Variants in PCDHGB1 observed in about 807,000 individuals in gnomAD.
PCDHGB1 encodes protocadherin gamma subfamily B, 1.
PCDHGB1 carries 34 observed loss-of-function variants against 56.6 expected under a neutral mutation model. The observed-to-expected ratio is 0.60, with a 90% confidence interval of 0.46 to 0.80. PCDHGB1 has a LOEUF of 0.80. PCDHGB1 is among the 30% of genes least tolerant of loss of function. The pLI is 0.00. For missense variants in PCDHGB1, 1,278 were observed against 1,204.6 expected, an observed-to-expected ratio of 1.06 and a Z score of -0.90; for synonymous variants, 561 against 505.9, an observed-to-expected ratio of 1.11 and a Z score of -1.46.
intron 1 of PCDHGB1, chr5:141,357,075 G>C: frequency 6.2e-7 from 1 of 1,613,942 alleles, no homozygotes; most frequent in Non-Finnish European, 8.5e-7. Context: ...ACACAGGCGA[G>C]GTGCGCACCG....
intron 2 of PCDHGB1, among the ~76,000 whole-genome samples, chr5:141,500,666 G>A (rs567881941): frequency 3.6e-4 from 55 of 152,250 alleles, no homozygotes; most frequent in African/African-American, 1.3e-3. Context: ...AGGCCATACT[G>A]TCCAACAGAA....
In PCDHGB1 at chr5:141,490,912, AATG is replaced by A; in HGVS notation, c.2410-3892_2410-3890del. 6.2e-7 allele frequency: 1 copy of A among 1,613,644 alleles called. No homozygotes were observed. Among genetic ancestry groups the A allele is most frequent in the Non-Finnish European group, 8.5e-7 (1 of 1,179,684 alleles). On this transcript the variant is annotated intron_variant, in intron 1 of 3. Transcript: ENST00000523390. This position sits in a 1 kb window ranked among gnomAD's most constrained non-coding sequence, Gnocchi z 5.4. ...TCTGCATGTGTTTGTCCTAGACGAG[AATG>A]ATAATGCCCCAGCTGTGCTGCACCC...
At chr5:141,360,957 C>A in intron 1 of PCDHGB1, 3 of 1,613,904 alleles carry the variant, frequency 1.9e-6, no homozygotes, top group South Asian at 2.2e-5. Flanking sequence ...AAGGCATAAA[C>A]GCAGAGATCA....
chr5:141,362,085 A>T, intron 1 of PCDHGB1: 1 of 1,613,154 alleles, frequency 6.2e-7, no homozygotes, highest in Non-Finnish European at 8.5e-7. Context: ...GTGATGGAGG[A>T]CAGCCGCCAC....
intron 1 of PCDHGB1, among the ~76,000 whole-genome samples, chr5:141,463,797 T>C (rs58523023): frequency 0.28 from 42,459 of 152,012 alleles, 6,656 homozygotes; most frequent in African/African-American, 0.43. Flanking sequence ...TGAACAAATG[T>C]CTAAAAGCTT....
At chr5:141,413,148 CTT>C (rs2095608671) in intron 1 of PCDHGB1, 2 of 1,570,414 alleles carry the variant, frequency 1.3e-6, no homozygotes, top group South Asian at 1.2e-5. Flanking sequence ...CCAGTGAGGA[CTT>C]TGCAGAATTC....
intron 1 of PCDHGB1, among the ~76,000 whole-genome samples, chr5:141,450,267 C>T (rs971441306): frequency 4.6e-5 from 7 of 152,106 alleles, no homozygotes; most frequent in African/African-American, 1.7e-4. Context: ...ATCTGCCCAC[C>T]TCAGCTAAGT....
chr5:141,363,908 A>C (rs1266423621), intron 1 of PCDHGB1, among the ~76,000 whole-genome samples: 6 of 152,234 alleles, frequency 3.9e-5, no homozygotes, highest in Non-Finnish European at 8.8e-5. Context: ...GCATTAAATA[A>C]AATTTTTGTA....
intron 1 of PCDHGB1, chr5:141,423,965 T>C (rs911812056): frequency 8.1e-5 from 94 of 1,162,030 alleles, no homozygotes; most frequent in Admixed American, 1.3e-4. Context: ...TATTTTTCTA[T>C]TATCAGTGTA....
At chr5:141,496,588 C>T (rs775641672) in intron 2 of PCDHGB1, among the ~76,000 whole-genome samples, 9 of 152,280 alleles carry the variant, frequency 5.9e-5, no homozygotes, top group Non-Finnish European at 1.0e-4. Context: ...GAACGCAAAG[C>T]GCTTCTTAGA....
At chr5:141,458,058 C>T (rs997664641) in intron 1 of PCDHGB1, among the ~76,000 whole-genome samples, 3 of 152,196 alleles carry the variant, frequency 2.0e-5, no homozygotes, top group Non-Finnish European at 4.4e-5. Context: ...TCTTGCTGCA[C>T]TGATGCGAAC....
rs146919978 is a variant in PCDHGB1, at chr5:141,489,268, G to A, written c.2410-5539G>A. 1,443 of 1,553,166 alleles carry A rather than the reference G, an allele frequency of 9.3e-4. 2 individuals are homozygous for A. The highest frequency in any genetic ancestry group is 1.2e-3 in the Non-Finnish European group (1,381 of 1,149,786). On this transcript the variant is annotated intron_variant, in intron 1 of 3. Transcript: ENST00000523390. The surrounding 1 kb of genome is among the most constrained non-coding windows in gnomAD (Gnocchi z 4.5). ...GGGGCCCAAGACACTCCCACAGCTCGCTGGGAAATGGCAAGTGCTGTGCAT... is the reference window on the plus strand; with the variant it reads ...GGGGCCCAAGACACTCCCACAGCTCACTGGGAAATGGCAAGTGCTGTGCAT...
intron 1 of PCDHGB1, among the ~76,000 whole-genome samples, chr5:141,430,341 C>T (rs766664177): frequency 1.4e-4 from 21 of 149,938 alleles, no homozygotes; most frequent in Non-Finnish European, 2.8e-4. Context: ...TAGAAACTTC[C>T]AATTCATTTA....
At chr5:141,438,063 A>G (rs540817874) in intron 1 of PCDHGB1, among the ~76,000 whole-genome samples, 11 of 152,224 alleles carry the variant, frequency 7.2e-5, no homozygotes, top group Non-Finnish European at 1.5e-4. Context: ...CTTTTAAGAA[A>G]CCATACTTAA....
At chr5:141,404,662 T>G (rs1314002801) in intron 1 of PCDHGB1, 1 of 1,614,208 alleles carries the variant, frequency 6.2e-7, no homozygotes, top group East Asian at 2.2e-5. Flanking sequence ...TCCCCACTGA[T>G]GGTTCTACTG....
rs767400679 is a variant in PCDHGB1, at chr5:141,476,863, C to T, written c.2410-17944C>T. 2.2e-5 allele frequency: 35 copies of T among 1,613,740 alleles called. No individual in the cohort carries two copies. Among genetic ancestry groups the T allele is most frequent in the Non-Finnish European group, 2.8e-5 (33 of 1,180,062 alleles). On this transcript the variant is annotated intron_variant, in intron 1 of 3. Coordinates refer to ENST00000523390, the MANE Select transcript of PCDHGB1 (RefSeq NM_018922.3). The surrounding 1 kb of genome is among the most constrained non-coding windows in gnomAD (Gnocchi z 7.6). ...CGCCTGTCTTCAACCAGTCCTTGTA[C>T]CGGGCGCGCGTCCTGGAGGATGCAC...
intron 1 of PCDHGB1, chr5:141,419,481 C>A (rs2096389716): frequency 2.5e-6 from 4 of 1,612,424 alleles, no homozygotes; most frequent in Non-Finnish European, 3.4e-6. Context: ...GGCTCGCCCG[C>A]GCTCAGCGCC....
At chr5:141,502,001 C>T (rs2099812274) in intron 2 of PCDHGB1, among the ~76,000 whole-genome samples, 2 of 152,106 alleles carry the variant, frequency 1.3e-5, no homozygotes, top group Admixed American at 1.3e-4. Flanking sequence ...CCCTGACAAC[C>T]CGCATGCTCT....
At position 141,404,686 on chromosome 5, in the gene PCDHGB1, A is replaced by G. The variant is rs1281158377; in HGVS notation, c.2409+52017A>G. On this transcript the variant is annotated intron_variant, in intron 1 of 3. Transcript: ENST00000523390. ...ATGGTTCTACTGGTGTGGAGCTGGC[A>G]CCCCGCTCTGCAGAGCCTGGCTACC... 4 of 1,613,710 alleles carry G rather than the reference A, an allele frequency of 2.5e-6. No individual in the cohort carries two copies. In the African/African-American group the frequency reaches 5.3e-5, roughly 22 times the overall value.
Sources: allele counts gnomAD v4.1 joint callset (sites outside exome capture counted in the v4.1 genomes callset), GRCh38; gene constraint gnomAD v4.1.1; non-coding constraint Gnocchi (gnomAD v3.1); transcripts MANE v1.5; gene names NCBI Gene and HGNC (gene_info 2026-07-23, HGNC 2026-07-21).